The following RGS7BP variants were observed in gnomAD, a reference collection of about 807,000 sequenced individuals.
The protein encoded by RGS7BP is regulator of G protein signaling 7-binding protein.
In RGS7BP, 9 loss-of-function variants were observed where a neutral mutation model predicts 31.3. The observed-to-expected ratio is 0.29, with a 90% CI of 0.17 to 0.50. The LOEUF (loss-of-function observed/expected upper bound fraction) is 0.50. Ranked by LOEUF, RGS7BP falls within the 20% of genes least tolerant of loss-of-function variation. The pLI is 0.98. For missense variants in RGS7BP, 274 were observed against 322.0 expected (o/e 0.85, Z 1.14); for synonymous variants, 115 against 120.1 (o/e 0.96, Z 0.28).
chr5:64,583,427 G>C (rs770461035), intron 3 of RGS7BP, among the ~76,000 whole-genome samples: 3 of 152,020 alleles, frequency 2.0e-5, no homozygotes, highest in Non-Finnish European at 2.9e-5. Flanking sequence ...TCTGTTTCTT[G>C]TGAAATATAT....
In RGS7BP at chr5:64,604,534, A is replaced by G. The variant is rs569519403; in HGVS notation, c.683-4627A>G. On this transcript the variant is annotated intron_variant, in intron 5 of 5. Coordinates refer to ENST00000334025, the MANE Select transcript of RGS7BP (RefSeq NM_001029875.3). ...CCTTCTGTTAATCCAGTGGTTCTCA[A>G]AGTGTGCTCTTAGGACCAGCAGCAA... is the stretch of plus-strand genomic sequence containing the variant. 3.9e-5 allele frequency among the ~76,000 whole-genome samples: 6 copies of G among 152,178 alleles called. No individual in the cohort carries two copies. The South Asian group carries it at 1.2e-3, about 32-fold the overall frequency.
chr5:64,596,154 A>G (rs1743062724), intron 4 of RGS7BP, among the ~76,000 whole-genome samples: 1 of 152,202 alleles, frequency 6.6e-6, no homozygotes, highest in Non-Finnish European at 1.5e-5. Context: ...CACGCCTTAT[A>G]AGCTTATAAG....
chr5:64,567,542 T>C (rs1742200755), intron 2 of RGS7BP, among the ~76,000 whole-genome samples: 1 of 152,136 alleles, frequency 6.6e-6, no homozygotes, highest in Non-Finnish European at 1.5e-5. Context: ...TGTTTATCCC[T>C]CTGTCCAGCC....
intron 2 of RGS7BP, among the ~76,000 whole-genome samples, chr5:64,538,536 TTTTCCTTTTC>T (rs1741439605): frequency 1.2e-4 from 16 of 130,082 alleles, no homozygotes; most frequent in East Asian, 4.6e-4. Context: ...TTCTTTTTTT[TTTTCCTTTTC>T]TTTTTTTTTT....
intron 1 of RGS7BP, 111 bp from the exon 2 acceptor site, chr5:64,507,600 C>A: frequency 8.7e-6 from 8 of 924,512 alleles, no homozygotes; most frequent in Non-Finnish European, 1.3e-5. Flanking sequence ...AGCTGGAGAT[C>A]TGGGGAGCTG....
chr5:64,510,151 C>G (rs1033191356), intron 2 of RGS7BP, among the ~76,000 whole-genome samples: 2 of 152,172 alleles, frequency 1.3e-5, no homozygotes, highest in Non-Finnish European at 2.9e-5. Context: ...AACTGGATTT[C>G]TTGCGCGCCC....
chr5:64,574,781 T>C (rs1213034770), intron 2 of RGS7BP, among the ~76,000 whole-genome samples: 1 of 152,236 alleles, frequency 6.6e-6, no homozygotes, highest in Non-Finnish European at 1.5e-5. Context: ...TACCTCCTGA[T>C]ATATTGCCAC....
At chr5:64,560,025 T>C (rs1742015991) in intron 2 of RGS7BP, among the ~76,000 whole-genome samples, 1 of 152,192 alleles carries the variant, frequency 6.6e-6, no homozygotes, top group South Asian at 2.1e-4. Context: ...ACCTGAATTC[T>C]AATCAGTCTA....
At chr5:64,529,010 C>T (rs935204261) in intron 2 of RGS7BP, among the ~76,000 whole-genome samples, 11 of 151,812 alleles carry the variant, frequency 7.2e-5, no homozygotes, top group Non-Finnish European at 4.4e-5. Context: ...AAAATACTTG[C>T]GGCATTGATA....
intron 2 of RGS7BP, among the ~76,000 whole-genome samples, chr5:64,535,076 C>T (rs1749471630): frequency 6.6e-6 from 1 of 151,966 alleles, no homozygotes; most frequent in Non-Finnish European, 1.5e-5. Context: ...GACAGAGGGA[C>T]CAGTGAATTT....
At chr5:64,561,923 C>A (rs571735241) in intron 2 of RGS7BP, among the ~76,000 whole-genome samples, 1 of 152,094 alleles carries the variant, frequency 6.6e-6, no homozygotes, top group East Asian at 1.9e-4. Context: ...TCTGTTTCAC[C>A]TAATGGTGCA....
chr5:64,555,170 T>A (rs2111846062), intron 2 of RGS7BP, among the ~76,000 whole-genome samples: 1 of 152,178 alleles, frequency 6.6e-6, no homozygotes, highest in East Asian at 1.9e-4. Context: ...GAAAAGACAT[T>A]TCCTACAGAG....
intron 3 of RGS7BP, among the ~76,000 whole-genome samples, chr5:64,578,236 A>G (rs1742487703): frequency 1.3e-5 from 2 of 152,138 alleles, no homozygotes; most frequent in South Asian, 4.1e-4. Flanking sequence ...GCCTATTTTT[A>G]AAAAATAATC....
At chr5:64,581,834 A>G (rs934640286) in intron 3 of RGS7BP, among the ~76,000 whole-genome samples, 1 of 152,222 alleles carries the variant, frequency 6.6e-6, no homozygotes, top group Non-Finnish European at 1.5e-5. Context: ...TTACTTTGCA[A>G]GATGATCCTA....
intron 2 of RGS7BP, among the ~76,000 whole-genome samples, chr5:64,523,342 T>C (rs554093126): frequency 1.3e-5 from 2 of 152,180 alleles, no homozygotes; most frequent in South Asian, 4.2e-4. Flanking sequence ...TGCCATTTTT[T>C]TTTGGTGTGG....
At chr5:64,536,031 C>T (rs906528569) in intron 2 of RGS7BP, among the ~76,000 whole-genome samples, 1 of 152,110 alleles carries the variant, frequency 6.6e-6, no homozygotes, top group African/African-American at 2.4e-5. Flanking sequence ...GTATTTTGCA[C>T]AGAAGGATAA....
chr5:64,593,671 C>A (rs1742981713), intron 3 of RGS7BP, among the ~76,000 whole-genome samples: 1 of 152,090 alleles, frequency 6.6e-6, no homozygotes, highest in African/African-American at 2.4e-5. Context: ...TGTTTAACTC[C>A]AGCACTGTAA....
intron 2 of RGS7BP, among the ~76,000 whole-genome samples, chr5:64,548,851 CTT>C (rs555751491): frequency 2.7e-4 from 37 of 137,390 alleles, no homozygotes; most frequent in Admixed American, 5.8e-4. Flanking sequence ...AAGCCCTTTC[CTT>C]TTTTTTTTTT....
intron 5 of RGS7BP, among the ~76,000 whole-genome samples, chr5:64,606,036 A>ATG (rs1743353268): frequency 8.2e-6 from 1 of 122,314 alleles, no homozygotes; most frequent in Non-Finnish European, 1.8e-5. Context: ...ATATATATAT[A>ATG]TATAGAGAGA....
Sources: gnomAD v4.1 joint callset for allele counts (sites outside exome capture counted in the v4.1 genomes callset) on GRCh38, gnomAD v4.1.1 for gene constraint, MANE v1.5 for transcripts, NCBI Gene and HGNC (gene_info 2026-07-23, HGNC 2026-07-21) for gene names.